The following ZNF665 variants were observed in gnomAD, a reference collection of about 807,000 sequenced individuals.
ZNF665 encodes zinc finger protein 665.
ZNF665 carries 6 observed loss-of-function variants against 7.9 expected under a neutral mutation model. The observed-to-expected ratio is 0.76, with a 90% CI of 0.42 to 1.50. The LOEUF (loss-of-function observed/expected upper bound fraction) is 1.50, where lower values mean the gene tolerates loss of function less well. ZNF665 is among the 40% of genes most tolerant of loss of function. The pLI is 0.01. For missense variants in ZNF665, 819 were observed against 806.7 expected (o/e 1.02, Z -0.18); for synonymous variants, 242 against 274.5 (o/e 0.88, Z 1.17).
chr19:53,175,553 C>T lies in ZNF665; in HGVS notation c.34G>A (p.Asp12Asn). 6.2e-7 allele frequency: 1 copy of T among 1,604,020 alleles called. No homozygotes were observed. The highest frequency in any genetic ancestry group is 2.2e-5 in the East Asian group (1 of 44,696). ...TCCTGAGAGAATTCTATGGCCACAT[C>T]CTTGAATGTCAACTGTCCCTAAAAT... The part of the protein sequence containing the change: ...ALPQGQLTFK[D>N]VAIEFSQEEW... The change falls in exon 3 of 4, where the codon GAT becomes AAT. Residue 12 changes from aspartate to asparagine, a missense_variant. Asp to Asn is a conservative substitution (Grantham distance 23). Transcript: ENST00000396424.
At chr19:53,170,885 C>T (rs1010596285) in intron 3 of ZNF665, among the ~76,000 whole-genome samples, 6 of 152,144 alleles carry the variant, frequency 3.9e-5, no homozygotes, top group South Asian at 2.1e-4. Flanking sequence ...TAATAGCCTA[C>T]GATTGACTGG....
In ZNF665 at chr19:53,164,715, T is replaced by C. The variant is rs1372746365; in HGVS notation, c.1775A>G (p.His592Arg). Reference sequence around the variant, plus strand: ...ACATTTGTAAGGTTTTTCTCCAGTATGGATGACCTGATGGGTAGCTAGGTT... The same window carrying C: ...ACATTTGTAAGGTTTTTCTCCAGTACGGATGACCTGATGGGTAGCTAGGTT... The part of the protein sequence containing the change: ...HSNLATHQVI[H>R]TGEKPYKCNE... The change falls in exon 4 of 4, where the codon CAT becomes CGT. Residue 592 changes from histidine to arginine, a missense_variant. By Grantham distance (29) the His-to-Arg change is conservative. Transcript: ENST00000396424. The C allele has an allele frequency of 2.5e-6, 4 of 1,613,976 alleles. No homozygotes were observed. Among genetic ancestry groups the C allele is most frequent in the South Asian group, 1.1e-5 (1 of 91,082 alleles).
intron 1 of ZNF665, among the ~76,000 whole-genome samples, chr19:53,191,563 G>A (rs2090816940): frequency 6.6e-6 from 1 of 152,308 alleles, no homozygotes; most frequent in South Asian, 2.1e-4. Flanking sequence ...ATTATTAGGG[G>A]CTGGGCACAG....
chr19:53,178,161 T>A (rs1389679218), intron 2 of ZNF665, among the ~76,000 whole-genome samples: 1 of 152,018 alleles, frequency 6.6e-6, no homozygotes, highest in Non-Finnish European at 1.5e-5. Flanking sequence ...TACAAAGGAG[T>A]CAATGTATCT....
intron 1 of ZNF665, among the ~76,000 whole-genome samples, chr19:53,189,030 GAGAA>G (rs1239833629): frequency 6.2e-5 from 9 of 145,268 alleles, no homozygotes; most frequent in Non-Finnish European, 1.3e-4. Flanking sequence ...AAGAGTAGAT[GAGAA>G]AGAAAGGCTT....
intron 1 of ZNF665, among the ~76,000 whole-genome samples, chr19:53,183,288 C>T (rs1185669508): frequency 6.6e-6 from 1 of 152,158 alleles, no homozygotes; most frequent in African/African-American, 2.4e-5. Context: ...AGCACAGTCC[C>T]TCTCCCCTCT....
At position 53,164,612 on chromosome 19, in the gene ZNF665, A is replaced by AT; in HGVS notation, c.1877dup (p.Tyr626Ter). Residue 626 changes from tyrosine (Y) to a stop codon, truncating the protein, a stop_gained and frameshift_variant, in exon 4 of 4, where the codon TAT becomes TAAT. Transcript: ENST00000396424. LOFTEE classifies it low-confidence loss of function (END_TRUNC). ...AGGCTTTCCCACACTCATTACACCT[A>AT]TAAGGTTTTTCTCCAGTGTGAATTC... ...HRRIHTGEKP[Y>*]RCNECGKAFS... The AT allele has an allele frequency of 6.2e-7, 1 of 1,613,356 alleles. No individual in the cohort carries two copies. The highest frequency in any genetic ancestry group is 1.3e-5 in the African/African-American group (1 of 74,932).
chr19:53,165,300 G>T lies in ZNF665; in HGVS notation c.1190C>A (p.Thr397Asn). ...ATTACATTTGAAAGGCTTTTCTCCG[G>T]TATGGATGATCTGATGCTTAGTTAA... Reference protein sequence around the residue: ...SNLTKHQIIHTGEKPFKCNEC... With the variant: ...SNLTKHQIIHNGEKPFKCNEC... Residue 397 changes from threonine (T) to asparagine (N), a missense_variant, in exon 4 of 4, where the codon ACC (threonine) becomes AAC (asparagine). Thr to Asn is a moderately conservative substitution (Grantham distance 65, BLOSUM62 0). Coordinates refer to ENST00000396424, the MANE Select transcript of ZNF665 (RefSeq NM_024733.5). The T allele has an allele frequency of 1.2e-6, 2 of 1,613,268 alleles. No individual in the cohort carries two copies. The highest frequency in any genetic ancestry group is 1.7e-6 in the Non-Finnish European group (2 of 1,179,560).
At position 53,165,642 on chromosome 19, in the gene ZNF665, A is replaced by G; in HGVS notation, c.848T>C (p.Ile283Thr). Residue 283 changes from isoleucine to threonine, a missense_variant, in exon 4 of 4, where the codon ATC becomes ACC. Physicochemically the swap from Ile to Thr is moderately conservative, Grantham distance 89. Transcript: ENST00000396424. ...AHSKLTTHQV[I>T]HTGEKPYKCK... ...TTTGTAAGGTTTTTCTCCAGTATGG[A>G]TGACCTGATGTGTAGTTAGTTTTGA... 2 of 1,614,046 alleles carry G rather than the reference A, an allele frequency of 1.2e-6. No homozygotes were observed. The highest frequency in any genetic ancestry group is 1.7e-6 in the Non-Finnish European group (2 of 1,180,012).
Position 53,164,584 on chromosome 19 carries a change from T to C in ZNF665, c.1906A>G (p.Ser636Gly). The change falls in exon 4 of 4, where the codon AGT (serine) becomes GGT (glycine). Residue 636 changes from serine to glycine, a missense_variant. Physicochemically the swap from Ser to Gly is moderately conservative, Grantham distance 56. Transcript: ENST00000396424. Reference sequence around the variant, plus strand: ...TGGGTAGTTAGGGTTGAACGAACACTGAAGGCTTTCCCACACTCATTACAC... The same window carrying C: ...TGGGTAGTTAGGGTTGAACGAACACCGAAGGCTTTCCCACACTCATTACAC... ...YRCNECGKAF[S>G]VRSTLTTHMA... 6.2e-7 allele frequency: 1 copy of C among 1,614,192 alleles called. No homozygotes were observed. The highest frequency in any genetic ancestry group is 8.5e-7 in the Non-Finnish European group (1 of 1,180,008).
Position 53,192,637 on chromosome 19 carries a change from C to T in ZNF665, c.-46+675G>A, listed in dbSNP as rs11882475. Among the ~76,000 whole-genome samples, 1,133 of 152,274 alleles carry T rather than the reference C, an allele frequency of 7.4e-3. 18 individuals are homozygous for T. Among genetic ancestry groups the T allele is most frequent in the African/African-American group, 0.026 (1,070 of 41,552 alleles). ...TCCGTTTTTCTACTTTTCTCTCAGCCCCCCTCTCTGTCTCCTGATCCCCTT... is the reference window on the plus strand; with the variant it reads ...TCCGTTTTTCTACTTTTCTCTCAGCTCCCCTCTCTGTCTCCTGATCCCCTT... On this transcript the variant is annotated intron_variant, in intron 1 of 3. Coordinates refer to ENST00000396424, the MANE Select transcript of ZNF665 (RefSeq NM_024733.5).
intron 2 of ZNF665, among the ~76,000 whole-genome samples, chr19:53,176,054 A>G (rs1056611911): frequency 6.6e-6 from 1 of 152,116 alleles, no homozygotes; most frequent in Admixed American, 6.6e-5. Context: ...CCAGCTACTC[A>G]GGAGGCTGAG....
Position 53,165,087 on chromosome 19 carries a change from G to C in ZNF665, c.1403C>G (p.Thr468Arg), listed in dbSNP as rs894324506. The C allele has an allele frequency of 5.0e-6, 8 of 1,613,370 alleles. No individual in the cohort carries two copies. In the African/African-American group the frequency reaches 9.4e-5, roughly 19 times the overall value. ...ATGACTTGCAAGGTGTGAATTTTGT[G>C]TGAAGACCTTACCGCAGTCATTACA... ...YKCNDCGKVF[T>R]QNSHLASHRG... Residue 468 changes from threonine (T) to arginine (R), a missense_variant, in exon 4 of 4, where the codon ACA becomes AGA. Physicochemically the swap from Thr to Arg is moderately conservative, Grantham distance 71. Transcript: ENST00000396424.
At chr19:53,167,728 A>G (rs1234051851) in intron 3 of ZNF665, among the ~76,000 whole-genome samples, 3 of 146,958 alleles carry the variant, frequency 2.0e-5, no homozygotes, top group African/African-American at 5.0e-5. Flanking sequence ...TTACAGGCGT[A>G]AGCCAGGGTG....
At chr19:53,182,632 C>T (rs1185541266) in intron 2 of ZNF665, 3 of 818,648 alleles carry the variant, frequency 3.7e-6, no homozygotes, top group Non-Finnish European at 6.1e-6. Context: ...GGGACCCTCA[C>T]CCCGTCTCCA....
chr19:53,179,402 G>A (rs2146869546), intron 2 of ZNF665, among the ~76,000 whole-genome samples: 1 of 148,448 alleles, frequency 6.7e-6, no homozygotes, highest in African/African-American at 2.5e-5. Context: ...AAAAAAAAGT[G>A]GCTATGAGTT....
At chr19:53,185,116 C>T (rs1038856792) in intron 1 of ZNF665, among the ~76,000 whole-genome samples, 60 of 151,782 alleles carry the variant, frequency 4.0e-4, no homozygotes, top group Non-Finnish European at 7.1e-4. Context: ...CGGATAACTG[C>T]GGGCGAGCCT....
At chr19:53,169,284 T>C (rs1398791355) in intron 3 of ZNF665, among the ~76,000 whole-genome samples, 1 of 152,036 alleles carries the variant, frequency 6.6e-6, no homozygotes, top group African/African-American at 2.4e-5. Flanking sequence ...AAAGAAAATA[T>C]TAATATATAT....
At chr19:53,182,751 G>C (rs2090747421) in intron 2 of ZNF665, 133 bp downstream of exon 2, 11 of 1,443,626 alleles carry the variant, frequency 7.6e-6, no homozygotes, top group East Asian at 2.3e-5. Flanking sequence ...GAGAGGGACT[G>C]AGGGAAGGCA....
Sources: gnomAD v4.1 joint callset for allele counts (sites outside exome capture counted in the v4.1 genomes callset) on GRCh38, gnomAD v4.1.1 for gene constraint, MANE v1.5 for transcripts, NCBI Gene and HGNC (gene_info 2026-07-23, HGNC 2026-07-21) for gene names.